Variants in WDR75 observed in about 807,000 individuals in gnomAD.
The protein encoded by WDR75 is WD repeat-containing protein 75.
A neutral mutation model predicts 106.1 loss-of-function variants in WDR75; 52 were observed. The observed-to-expected ratio is 0.49, with a 90% CI of 0.39 to 0.62. WDR75 has a LOEUF of 0.62. Ranked by LOEUF, WDR75 falls within the 20% of genes least tolerant of loss-of-function variation. WDR75 has a pLI of 0.00. For synonymous variants in WDR75, 333 were observed against 335.5 expected (o/e 0.99, Z 0.08); for missense variants, 905 against 970.3 (o/e 0.93, Z 0.89).
chr2:189,460,031 A>G (rs1337252538), intron 8 of WDR75, among the ~76,000 whole-genome samples: 1 of 152,248 alleles, frequency 6.6e-6, no homozygotes, highest in South Asian at 2.1e-4. Flanking sequence ...TAGTGTAGCT[A>G]TAGCGAGTAA....
At position 189,457,385 on chromosome 2, in the gene WDR75, AG is replaced by A; in HGVS notation, c.569+5del. 1 of 1,563,658 alleles carries A rather than the reference AG, an allele frequency of 6.4e-7. No homozygotes were observed. The highest frequency in any genetic ancestry group is 8.8e-7 in the Non-Finnish European group (1 of 1,139,514). ...TCAAAAAGAAAACAACATCAAGGTA[AG>A]AATTATTTTTTATTAGCTTTATTTT... is the stretch of plus-strand genomic sequence containing the variant. On this transcript the variant is annotated splice_donor_5th_base_variant and intron_variant, in intron 6 of 20. Transcript: ENST00000314761.
chr2:189,445,751 G>T (rs1052281015), intron 1 of WDR75, among the ~76,000 whole-genome samples: 1 of 152,168 alleles, frequency 6.6e-6, no homozygotes, highest in Non-Finnish European at 1.5e-5. Context: ...TAGGTGAAGC[G>T]TATGCAGGAA....
intron 4 of WDR75, among the ~76,000 whole-genome samples, chr2:189,454,415 T>C (rs73978630): frequency 6.6e-6 from 1 of 152,312 alleles, no homozygotes; most frequent in African/African-American, 2.4e-5. Flanking sequence ...GATTTGTTGC[T>C]TTTAGCTACT....
At chr2:189,454,672 C>A (rs1175670122) in intron 4 of WDR75, among the ~76,000 whole-genome samples, 3 of 152,028 alleles carry the variant, frequency 2.0e-5, no homozygotes, top group Non-Finnish European at 4.4e-5. Flanking sequence ...CAGGCGCCCA[C>A]CACCACGCCT....
intron 9 of WDR75, 136 bp downstream of exon 9, chr2:189,462,778 AC>A (rs1180378203): frequency 1.3e-6 from 1 of 767,708 alleles, no homozygotes; most frequent in South Asian, 2.4e-5. Flanking sequence ...TCCTTGCATT[AC>A]TCCTCTCTTT....
Position 189,463,915 on chromosome 2 carries a change from G to A in WDR75, c.1067G>A (p.Gly356Asp), listed in dbSNP as rs1201615868. ...TKALVLNGKPGHLQFYSLQSD... is the reference protein window; with the variant it reads ...TKALVLNGKPDHLQFYSLQSD... ...GCTTTGGTTTTGAATGGAAAACCTG[G>A]CCACCTGCAGTTTTATTCTCTCCAG... The change falls in exon 11 of 21, where the codon GGC (glycine) becomes GAC (aspartate). Residue 356 changes from glycine (G) to aspartate (D), a missense_variant. Gly to Asp is a moderately conservative substitution (Grantham distance 94). Transcript: ENST00000314761. 6.2e-7 allele frequency: 1 copy of A among 1,613,716 alleles called. No homozygotes were observed. The highest frequency in any genetic ancestry group is 8.5e-7 in the Non-Finnish European group (1 of 1,179,830).
Position 189,474,713 on chromosome 2 carries a change from C to T in WDR75, c.2197-4C>T, listed in dbSNP as rs374283241. ...TTGCAACCGTGTTTTCTGTTTGACT[C>T]CAGCTTCTTCACACTCCAGCCCATG... On this transcript the variant is annotated splice_polypyrimidine_tract_variant and splice_region_variant and intron_variant, in intron 19 of 20. Transcript: ENST00000314761. 1 of 1,613,576 alleles carries T rather than the reference C, an allele frequency of 6.2e-7. No individual in the cohort carries two copies. Among genetic ancestry groups the T allele is most frequent in the South Asian group, 1.1e-5 (1 of 91,058 alleles).
At position 189,474,838 on chromosome 2, in the gene WDR75, A is replaced by G. The variant is rs1231070292; in HGVS notation, c.2288+30A>G. On this transcript the variant is annotated intron_variant, in intron 20 of 20. Transcript: ENST00000314761. The stretch of plus-strand genomic sequence containing the variant: ...AGCAGTTCTTAAGACAGGTTTGGAC[A>G]CTCTCTTTTGGGAAACAGGATCGTT... 4 of 1,556,690 alleles carry G rather than the reference A, an allele frequency of 2.6e-6. No individual in the cohort carries two copies. The African/African-American group carries it at 4.1e-5, about 16-fold the overall frequency.
At chr2:189,450,542 C>T (rs1686596573) in intron 2 of WDR75, 3 of 1,020,086 alleles carry the variant, frequency 2.9e-6, no homozygotes, top group Admixed American at 5.7e-5. Context: ...GTCTCGAACT[C>T]CTGGCCTCAA....
At chr2:189,455,033 G>C (rs1558983562) in intron 4 of WDR75, among the ~76,000 whole-genome samples, 1 of 151,968 alleles carries the variant, frequency 6.6e-6, no homozygotes, top group Non-Finnish European at 1.5e-5. Flanking sequence ...TTGAGGTCAG[G>C]AGTTCGAGAC....
intron 9 of WDR75, 132 bp downstream of exon 9, chr2:189,462,774 C>G (rs1421484037): frequency 1.3e-6 from 1 of 787,882 alleles, no homozygotes; most frequent in Non-Finnish European, 1.9e-6. Flanking sequence ...CTTTTCCTTG[C>G]ATTACTCCTC....
Position 189,462,564 on chromosome 2 carries a change from C to T in WDR75, c.859C>T (p.Pro287Ser), listed in dbSNP as rs748492553. 14 of 1,613,836 alleles carry T rather than the reference C, an allele frequency of 8.7e-6. No individual in the cohort carries two copies. In the South Asian group the frequency reaches 1.4e-4, roughly 16 times the overall value. The change falls in exon 9 of 21, where the codon CCG becomes TCG. Residue 287 changes from proline (P) to serine (S), a missense_variant. Coordinates refer to ENST00000314761, the MANE Select transcript of WDR75 (RefSeq NM_032168.3). The stretch of plus-strand genomic sequence containing the variant: ...AACAGAGAAGAATAAGGAGTTTCTC[C>T]CGCGTTTAGGAGCTACTATTGAACA... Reference protein sequence around the residue: ...DATEKNKEFLPRLGATIEHIS... With the variant: ...DATEKNKEFLSRLGATIEHIS...
intron 5 of WDR75, among the ~76,000 whole-genome samples, chr2:189,457,101 C>A (rs1350143938): frequency 6.6e-6 from 1 of 151,922 alleles, no homozygotes; most frequent in East Asian, 1.9e-4. Context: ...ATTAGCCAGG[C>A]GTGGTGGTAG....
intron 7 of WDR75, 127 bp downstream of exon 7, chr2:189,458,999 T>C: frequency 8.4e-7 from 1 of 1,194,464 alleles, no homozygotes; most frequent in African/African-American, 1.6e-5. Flanking sequence ...TTTCATTTCA[T>C]ACTTACTGTT....
At position 189,441,524 on chromosome 2, in the gene WDR75, G is replaced by T. The variant is rs771984325; in HGVS notation, c.32G>T (p.Arg11Leu). MVEEENIRVV[R>L]CGGSELNFRR... is the part of the protein sequence containing the mutation. ...GAGGAGGAGAACATCCGCGTGGTTC[G>T]TTGTGGCGGCAGCGAGTTGAACTTT... is the stretch of plus-strand genomic sequence containing the variant. The change falls in exon 1 of 21, where the codon CGT (arginine) becomes CTT (leucine). Residue 11 changes from arginine (R) to leucine (L), a missense_variant. Transcript: ENST00000314761. The T allele has an allele frequency of 6.4e-7, 1 of 1,566,272 alleles. No individual in the cohort carries two copies. The highest frequency in any genetic ancestry group is 1.2e-5 in the South Asian group (1 of 85,148).
intron 2 of WDR75, 25 bp from the exon 3 acceptor site, chr2:189,450,878 A>G (rs1224111222): frequency 4.4e-6 from 7 of 1,595,278 alleles, no homozygotes; most frequent in African/African-American, 1.4e-5. Flanking sequence ...TTTTAAATCA[A>G]TTTTGTATTG....
intron 2 of WDR75, chr2:189,449,772 T>G: frequency 1.0e-6 from 1 of 984,544 alleles, no homozygotes; most frequent in Non-Finnish European, 1.2e-6. Context: ...TGATATAAAT[T>G]TCCTAGTTTG....
chr2:189,469,205 A>G (rs896476003), intron 15 of WDR75, 139 bp from the exon 16 acceptor site: 55 of 702,616 alleles, frequency 7.8e-5, no homozygotes, highest in Middle Eastern at 6.7e-4. Context: ...TTAGTGCAGC[A>G]TTCTACAAAT....
chr2:189,441,532 G>A lies in WDR75; in HGVS notation c.40G>A (p.Gly14Ser), dbSNP rs144866012. 1.1e-5 allele frequency: 17 copies of A among 1,565,106 alleles called. No individual in the cohort carries two copies. Among genetic ancestry groups the A allele is most frequent in the Non-Finnish European group, 5.2e-6 (6 of 1,153,680 alleles). ...EENIRVVRCG[G>S]SELNFRRAVF... Reference sequence around the variant, plus strand: ...GAACATCCGCGTGGTTCGTTGTGGCGGCAGCGAGTTGAACTTTAGGAGAGC... The same window carrying A: ...GAACATCCGCGTGGTTCGTTGTGGCAGCAGCGAGTTGAACTTTAGGAGAGC... The change falls in exon 1 of 21, where the codon GGC becomes AGC. Residue 14 changes from glycine to serine, a missense_variant. Transcript: ENST00000314761.
Sources: gnomAD v4.1 joint callset for allele counts (sites outside exome capture counted in the v4.1 genomes callset) on GRCh38, gnomAD v4.1.1 for gene constraint, MANE v1.5 for transcripts, NCBI Gene and HGNC (gene_info 2026-07-23, HGNC 2026-07-21) for gene names.